Variants in MAML1 observed in about 807,000 individuals in gnomAD.
MAML1 encodes the protein mastermind-like protein 1.
Under a neutral mutation model 77.1 loss-of-function variants are expected in MAML1, and 14 were observed. The ratio of observed to expected loss-of-function variants is 0.18; its 90% CI spans 0.12 to 0.28. MAML1 has a LOEUF of 0.28. Ranked by LOEUF, MAML1 falls within the 10% of genes least tolerant of loss-of-function variation. The pLI is 1.00. For synonymous variants in MAML1, 516 were observed against 551.9 expected, an observed-to-expected ratio of 0.93 and a Z score of 0.91; for missense variants, 1,217 against 1,327.8, an observed-to-expected ratio of 0.92 and a Z score of 1.30.
At chr5:179,745,359 C>CTTGTTT (rs773806373) in intron 1 of MAML1, among the ~76,000 whole-genome samples, 1 of 152,012 alleles carries the variant, frequency 6.6e-6, no homozygotes, top group Non-Finnish European at 1.5e-5. Context: ...CAGTTCAGTT[C>CTTGTTT]TTGTTTTTGT....
chr5:179,768,463 A>G (rs185012293), intron 2 of MAML1, among the ~76,000 whole-genome samples: 1 of 152,372 alleles, frequency 6.6e-6, no homozygotes, highest in East Asian at 1.9e-4. Context: ...GTCTGAAAAA[A>G]AACAAAAAGT....
Position 179,774,082 on chromosome 5 carries a change from T to C in MAML1, c.2256T>C (p.Pro752=), listed in dbSNP as rs1423026671. ...VAQFPGSQNM[P]QSSLYGMASG... is the part of the protein sequence containing the mutation. ...AGTTCCCTGGCTCCCAAAACATGCC[T>C]CAGAGCAGCCTCTATGGCATGGCTT... The change falls in exon 5 of 5, where the codon CCT becomes CCC. Residue 752 remains proline, a synonymous_variant. Transcript: ENST00000292599. 62 of 1,613,858 alleles carry C rather than the reference T, an allele frequency of 3.8e-5. No homozygotes were observed. The highest frequency in any genetic ancestry group is 4.7e-5 in the Non-Finnish European group (56 of 1,180,026).
intron 1 of MAML1, among the ~76,000 whole-genome samples, chr5:179,740,832 T>G (rs1446830870): frequency 6.6e-6 from 1 of 152,156 alleles, no homozygotes; most frequent in African/African-American, 2.4e-5. Flanking sequence ...ATTCCTAGTT[T>G]TATGGCTTGA....
At chr5:179,746,494 C>T (rs1779387256) in intron 1 of MAML1, among the ~76,000 whole-genome samples, 1 of 152,040 alleles carries the variant, frequency 6.6e-6, no homozygotes, top group Non-Finnish European at 1.5e-5. Context: ...CCACCTCAGC[C>T]TCCCGAGTAG....
intron 1 of MAML1, among the ~76,000 whole-genome samples, chr5:179,739,572 T>A (rs1169019837): frequency 3.3e-5 from 5 of 152,070 alleles, no homozygotes; most frequent in African/African-American, 1.2e-4. Flanking sequence ...TATTCTCAGC[T>A]CCTCGGGAGA....
intron 1 of MAML1, among the ~76,000 whole-genome samples, chr5:179,741,490 G>A (rs1443079265): frequency 6.6e-6 from 1 of 152,054 alleles, no homozygotes; most frequent in Non-Finnish European, 1.5e-5. Flanking sequence ...TTCAAGGGCA[G>A]CCTGGCCAAA....
chr5:179,760,129 C>T (rs549481694), intron 1 of MAML1, among the ~76,000 whole-genome samples: 18 of 152,008 alleles, frequency 1.2e-4, no homozygotes, highest in Admixed American at 7.2e-4. Context: ...AGTAGGTCTT[C>T]GGATAGACAG....
At chr5:179,746,047 A>G (rs1395785708) in intron 1 of MAML1, among the ~76,000 whole-genome samples, 1 of 149,178 alleles carries the variant, frequency 6.7e-6, no homozygotes, top group Non-Finnish European at 1.5e-5. Context: ...AAAAAAAAAC[A>G]AAACCAAAAA....
chr5:179,746,290 G>A (rs1779381960), intron 1 of MAML1, among the ~76,000 whole-genome samples: 1 of 152,088 alleles, frequency 6.6e-6, no homozygotes, highest in African/African-American at 2.4e-5. Context: ...AGATTGCAGT[G>A]AGCGGAGATT....
chr5:179,760,102 C>T (rs1779699019), intron 1 of MAML1, among the ~76,000 whole-genome samples: 1 of 152,134 alleles, frequency 6.6e-6, no homozygotes, highest in African/African-American at 2.4e-5. Flanking sequence ...AGTCATCACT[C>T]AAGTGGACAG....
intron 4 of MAML1, 42 bp from the exon 5 acceptor site, chr5:179,773,853 G>C (rs751831344): frequency 1.3e-6 from 2 of 1,573,536 alleles, no homozygotes; most frequent in East Asian, 2.3e-5. Flanking sequence ...GGGACCCAGT[G>C]GTGGTCGACT....
intron 1 of MAML1, among the ~76,000 whole-genome samples, chr5:179,734,897 CCT>C (rs1323671201): frequency 1.3e-5 from 2 of 152,138 alleles, no homozygotes; most frequent in Non-Finnish European, 2.9e-5. Context: ...GTCTTGAACT[CCT>C]GGGCTCAAGT....
intron 1 of MAML1, among the ~76,000 whole-genome samples, chr5:179,745,672 A>G (rs1433152600): frequency 6.6e-6 from 1 of 151,280 alleles, no homozygotes; most frequent in Admixed American, 6.6e-5. Context: ...CATCCTGGCT[A>G]ACACAGTGAA....
At chr5:179,764,926 C>T (rs955187881) in intron 1 of MAML1, among the ~76,000 whole-genome samples, 21 of 152,032 alleles carry the variant, frequency 1.4e-4, no homozygotes, top group African/African-American at 4.3e-4. Context: ...ATTGTGCCAC[C>T]GCACTCCACC....
At chr5:179,756,958 G>C in intron 1 of MAML1, among the ~76,000 whole-genome samples, 1 of 152,074 alleles carries the variant, frequency 6.6e-6, no homozygotes, top group Non-Finnish European at 1.5e-5. Flanking sequence ...AGTAAACCCA[G>C]CTGGGATTAC....
intron 1 of MAML1, among the ~76,000 whole-genome samples, chr5:179,741,738 C>A (rs1779288813): frequency 6.6e-6 from 1 of 150,808 alleles, no homozygotes. Flanking sequence ...TAAGCTTTAG[C>A]CAGATGCTTT....
rs370378353 is a variant in MAML1, at chr5:179,774,184, C to T, written c.2358C>T (p.Asn786=). The change falls in exon 5 of 5, where the codon AAC becomes AAT. Residue 786 remains asparagine, a synonymous_variant. Coordinates refer to ENST00000292599, the MANE Select transcript of MAML1 (RefSeq NM_014757.5). ...NGHAHIPRQT[N]VGQNTSVSAA... is the part of the protein sequence containing the mutation. ...ATGCCCACATTCCACGGCAGACCAA[C>T]GTGGGCCAGAACACCTCCGTCTCAG... The T allele has an allele frequency of 6.3e-5, 101 of 1,613,504 alleles. No homozygotes were observed. The highest frequency in any genetic ancestry group is 4.7e-5 in the Non-Finnish European group (55 of 1,180,010).
Position 179,765,999 on chromosome 5 carries a change from C to T in MAML1, c.989C>T (p.Ser330Phe), listed in dbSNP as rs764838678. The T allele has an allele frequency of 6.2e-7, 1 of 1,608,254 alleles. No homozygotes were observed. Among genetic ancestry groups the T allele is most frequent in the African/African-American group, 1.3e-5 (1 of 74,528 alleles). The change falls in exon 2 of 5, where the codon TCC becomes TTC. Residue 330 changes from serine to phenylalanine, a missense_variant. This residue lies in a region of MAML1 where 884 missense variants were observed against 949.3 expected (regional missense o/e 0.93). Transcript: ENST00000292599. ...GCAGGGCAGACCTTTCTGGGGCCTT[C>T]CTCTGCCCCTGTGAGTACAGATTCC... ...GSAGQTFLGP[S>F]SAPVSTDSPS...
At chr5:179,758,255 CT>C (rs1334486914) in intron 1 of MAML1, among the ~76,000 whole-genome samples, 5 of 152,122 alleles carry the variant, frequency 3.3e-5, no homozygotes, top group Non-Finnish European at 7.4e-5. Context: ...ATCTTTAGTT[CT>C]TATCATGCTG....
Sources: allele counts gnomAD v4.1 joint callset (sites outside exome capture counted in the v4.1 genomes callset), GRCh38; gene constraint gnomAD v4.1.1; regional missense constraint gnomAD v4.1.1; transcripts MANE v1.5; gene names NCBI Gene and HGNC (gene_info 2026-07-23, HGNC 2026-07-21).